Variants in SEH1L observed in about 807,000 individuals in gnomAD.
The protein encoded by SEH1L is nucleoporin SEH1.
A neutral mutation model predicts 49.5 loss-of-function variants in SEH1L; 18 were observed. The ratio of observed to expected loss-of-function variants is 0.36; its 90% CI spans 0.25 to 0.54. SEH1L has a LOEUF of 0.54. Ranked by LOEUF, SEH1L falls within the 20% of genes least tolerant of loss-of-function variation. SEH1L has a pLI of 0.87. For synonymous variants in SEH1L, 169 were observed against 178.1 expected, an observed-to-expected ratio of 0.95 and a Z score of 0.41; for missense variants, 404 against 528.8, an observed-to-expected ratio of 0.76 and a Z score of 2.31.
At chr18:12,986,575 C>A in intron 8 of SEH1L, 10 of 973,110 alleles carry the variant, frequency 1.0e-5, no homozygotes, top group Non-Finnish European at 1.2e-5. Flanking sequence ...TAATGTTTTT[C>A]TTTGTAACAT....
chr18:12,979,917 A>C (rs2032109711), intron 6 of SEH1L, among the ~76,000 whole-genome samples: 1 of 122,904 alleles, frequency 8.1e-6, no homozygotes, highest in African/African-American at 3.2e-5. Context: ...CTGGCCGGGC[A>C]GAGGGGCTCC....
intron 4 of SEH1L, among the ~76,000 whole-genome samples, chr18:12,966,925 AT>A (rs1266166294): frequency 2.6e-5 from 4 of 151,936 alleles, no homozygotes; most frequent in Non-Finnish European, 4.4e-5. Context: ...CCAGGTATAC[AT>A]TTTTTCCCAT....
chr18:12,955,738 T>G (rs2030813493), intron 3 of SEH1L, 129 bp downstream of exon 3: 1 of 921,372 alleles, frequency 1.1e-6, no homozygotes, highest in South Asian at 1.9e-5. Context: ...TCTAAAGTTC[T>G]TTCTTCCATG....
chr18:12,980,713 TC>T (rs2032194470), intron 6 of SEH1L, among the ~76,000 whole-genome samples: 2 of 100,574 alleles, frequency 2.0e-5, no homozygotes, highest in Non-Finnish European at 2.0e-5. Flanking sequence ...CCCACTTCCC[TC>T]CCGGACGGGG....
At position 12,956,342 on chromosome 18, in the gene SEH1L, A is replaced by G. The variant is rs1198978953; in HGVS notation, c.309+733A>G. Among the ~76,000 whole-genome samples the G allele has an allele frequency of 4.6e-5, 7 of 151,956 alleles. No homozygotes were observed. The East Asian group carries it at 1.3e-3, about 29-fold the overall frequency. On this transcript the variant is annotated intron_variant, in intron 3 of 8. Coordinates refer to ENST00000399892, the MANE Select transcript of SEH1L (RefSeq NM_001013437.2). ...CAGGCGTGAGCCACCACGCCTGGCC[A>G]AGGGTTAATAAAATTCTTTAAATTT...
intron 1 of SEH1L, 179 bp downstream of exon 1, chr18:12,948,411 G>A (rs868098332): frequency 3.7e-5 from 18 of 491,192 alleles, no homozygotes; most frequent in South Asian, 2.6e-4. Flanking sequence ...TGGGGTCACG[G>A]CGGCCTCGCG....
chr18:12,987,138 C>T lies in SEH1L; in HGVS notation c.*81C>T. Reference sequence around the variant, plus strand: ...CTGGCTGCTTTTTGTTTTTCATTTTCTTTCAGAAGATTTTTCTAACTTAGG... The same window carrying T: ...CTGGCTGCTTTTTGTTTTTCATTTTTTTTCAGAAGATTTTTCTAACTTAGG... On this transcript the variant is annotated 3_prime_UTR_variant, in exon 9 of 9. Coordinates refer to ENST00000399892, the MANE Select transcript of SEH1L (RefSeq NM_001013437.2). The T allele has an allele frequency of 2.8e-6, 3 of 1,071,300 alleles. No individual in the cohort carries two copies. The highest frequency in any genetic ancestry group is 2.7e-6 in the Non-Finnish European group (2 of 748,364). The allele number at this position is 1,071,300 out of a possible 1,614,324, so 66.4% of individuals were successfully genotyped here.
At chr18:12,951,151 C>G (rs957276628) in intron 1 of SEH1L, among the ~76,000 whole-genome samples, 3 of 152,212 alleles carry the variant, frequency 2.0e-5, no homozygotes, top group African/African-American at 7.2e-5. Flanking sequence ...AAGTTTGAGT[C>G]TCAGGACAGA....
chr18:12,965,553 T>C (rs575804867), intron 4 of SEH1L, among the ~76,000 whole-genome samples: 72 of 152,340 alleles, frequency 4.7e-4, no homozygotes, highest in African/African-American at 1.6e-3. Flanking sequence ...CCATGCTTAA[T>C]TGATAGTTTG....
intron 5 of SEH1L, chr18:12,976,340 T>C (rs1211121335): frequency 1.3e-5 from 2 of 152,298 alleles, no homozygotes; most frequent in South Asian, 2.1e-4. Context: ...CACCTTGCCA[T>C]GTTCCGTCCC....
At chr18:12,960,175 G>T (rs1284893655) in intron 3 of SEH1L, among the ~76,000 whole-genome samples, 1 of 152,158 alleles carries the variant, frequency 6.6e-6, no homozygotes. Flanking sequence ...TTTACATGAC[G>T]CTGAAGTTAT....
At chr18:12,953,148 C>T (rs904611806) in intron 2 of SEH1L, among the ~76,000 whole-genome samples, 17 of 152,146 alleles carry the variant, frequency 1.1e-4, no homozygotes, top group African/African-American at 4.1e-4. Context: ...TGTGTCTGGC[C>T]ACTTTCCCTT....
intron 7 of SEH1L, 197 bp downstream of exon 7, chr18:12,982,872 G>C: frequency 2.2e-6 from 1 of 455,352 alleles, no homozygotes; most frequent in Non-Finnish European, 3.9e-6. Flanking sequence ...AAGTTATGTG[G>C]AACAGAGCAG....
At position 12,968,060 on chromosome 18, in the gene SEH1L, G is replaced by A. The variant is rs554225709; in HGVS notation, c.522-3093G>A. On this transcript the variant is annotated intron_variant, in intron 4 of 8. Transcript: ENST00000399892. ...GTTTTCTCAAATATCAGTTCTTTTC[G>A]TGTGCCTTGGTCTTTATCTTCTGCG... Among the ~76,000 whole-genome samples the A allele has an allele frequency of 1.1e-4, 17 of 152,154 alleles. No homozygotes were observed. In the South Asian group the frequency reaches 3.3e-3, roughly 30 times the overall value.
rs11480632 is a variant in SEH1L at position 12,986,803 on chromosome 18, G to GTTT, written c.1071-51_1071-49dup. Reference sequence around the variant, plus strand: ...TTTACTACTTTTCTCTTTTTCTTGTGTTTTTTTTTTCCTGTTTTTGTTTTG... The same window carrying GTTT: ...TTTACTACTTTTCTCTTTTTCTTGTGTTTTTTTTTTTTTCCTGTTTTTGTTTTG... On this transcript the variant is annotated intron_variant, in intron 8 of 8. Transcript: ENST00000399892. 6,290 of 1,127,014 alleles carry GTTT rather than the reference G, an allele frequency of 5.6e-3. 22 individuals are homozygous for GTTT. The highest frequency in any genetic ancestry group is 0.036 in the African/African-American group (2,083 of 57,234). The allele number at this position is 1,127,014 out of a possible 1,614,324, so 69.8% of individuals were successfully genotyped here. A position where few individuals can be genotyped will look rare whatever the true frequency, so the allele number is the denominator to read the frequency against.
At position 12,987,283 on chromosome 18, in the gene SEH1L, C is replaced by A; in HGVS notation, c.*226C>A. 1 of 357,906 alleles carries A rather than the reference C, an allele frequency of 2.8e-6. No individual in the cohort carries two copies. The highest frequency in any genetic ancestry group is 5.1e-6 in the Non-Finnish European group (1 of 197,854). 22.2% of individuals were successfully genotyped at this position (357,906 alleles called of 1,614,324 possible). ...TAACCTTTGATGAAATGAGATATGT[C>A]CAAGTAACGTTAACTGTGAAGTTAC... On this transcript the variant is annotated 3_prime_UTR_variant, in exon 9 of 9. Coordinates refer to ENST00000399892, the MANE Select transcript of SEH1L (RefSeq NM_001013437.2).
rs113792015 is a variant in SEH1L, at chr18:12,955,273, A to G, written c.163-190A>G. Among the ~76,000 whole-genome samples, 494 of 151,050 alleles carry G rather than the reference A, an allele frequency of 3.3e-3. 1 individual carries two copies. The East Asian group carries it at 0.036, about 11-fold the overall frequency. ...AAATATAGAATGTCTTCTAAAGGTT[A>G]AAACATTCTGGAATTTAACTTTTTA... On this transcript the variant is annotated intron_variant, in intron 2 of 8. Coordinates refer to ENST00000399892, the MANE Select transcript of SEH1L (RefSeq NM_001013437.2).
chr18:12,953,900 A>T (rs1038431173), intron 2 of SEH1L, among the ~76,000 whole-genome samples: 2 of 152,220 alleles, frequency 1.3e-5, no homozygotes, highest in African/African-American at 2.4e-5. Context: ...TTGCTTAACT[A>T]GTGGATATTT....
intron 3 of SEH1L, among the ~76,000 whole-genome samples, chr18:12,957,709 G>C (rs892737966): frequency 1.3e-5 from 2 of 152,148 alleles, no homozygotes; most frequent in Non-Finnish European, 2.9e-5. Flanking sequence ...ACAAAAGGAA[G>C]TGTGTAGTGG....
Sources: allele counts gnomAD v4.1 joint callset (sites outside exome capture counted in the v4.1 genomes callset), GRCh38; gene constraint gnomAD v4.1.1; transcripts MANE v1.5; gene names NCBI Gene and HGNC (gene_info 2026-07-23, HGNC 2026-07-21).